The following GALNT10 variants were observed in gnomAD, a reference collection of about 807,000 sequenced individuals.
GALNT10 encodes the protein GalNAc transferase 10.
In GALNT10, 41 loss-of-function variants were observed where a neutral mutation model predicts 75.0. The ratio of observed to expected loss-of-function variants is 0.55; its 90% CI spans 0.43 to 0.71. The LOEUF (loss-of-function observed/expected upper bound fraction) is 0.71. Among genes scored for constraint, GALNT10 ranks in the 30% least tolerant of loss-of-function variants. GALNT10 has a pLI of 0.00. For synonymous variants in GALNT10, 302 were observed against 313.0 expected (o/e 0.96, Z 0.37); for missense variants, 727 against 818.5 (o/e 0.89, Z 1.36).
At chr5:154,258,291 A>G (rs1753646646) in intron 1 of GALNT10, among the ~76,000 whole-genome samples, 1 of 152,164 alleles carries the variant, frequency 6.6e-6, no homozygotes, top group African/African-American at 2.4e-5. Flanking sequence ...TTTCTTATTC[A>G]GTGTCTATTG....
intron 3 of GALNT10, among the ~76,000 whole-genome samples, chr5:154,322,464 A>G (rs1754690099): frequency 6.6e-6 from 1 of 152,038 alleles, no homozygotes; most frequent in African/African-American, 2.4e-5. Context: ...CACCTAGATA[A>G]TCCTGGCTCC....
chr5:154,270,937 T>G (rs1753851502), intron 1 of GALNT10, among the ~76,000 whole-genome samples: 1 of 136,518 alleles, frequency 7.3e-6, no homozygotes, highest in Admixed American at 8.6e-5. Context: ...GAGGTTGTCG[T>G]GAGCCGAGAG....
intron 1 of GALNT10, 28 bp from the exon 2 acceptor site, chr5:154,294,788 T>C: frequency 1.6e-6 from 2 of 1,223,542 alleles, no homozygotes; most frequent in Non-Finnish European, 2.4e-6. Flanking sequence ...CCCTTTTCTA[T>C]TTTTCATAGT....
In GALNT10 at chr5:154,298,359, C is replaced by T. The variant is rs1312289267; in HGVS notation, c.401+280C>T. 6.6e-6 allele frequency among the ~76,000 whole-genome samples: 1 copy of T among 152,188 alleles called. No individual in the cohort carries two copies. Among genetic ancestry groups the T allele is most frequent in the Non-Finnish European group, 1.5e-5 (1 of 68,032 alleles). On this transcript the variant is annotated intron_variant, in intron 3 of 11. Transcript: ENST00000297107. This position sits in a 1 kb window ranked among gnomAD's most constrained non-coding sequence, Gnocchi z 4.1. ...GAAGTTCAGACCCCAGTGTAGACGA[C>T]AAGTTGTCATGCAGTTTTTAACTTT...
intron 1 of GALNT10, among the ~76,000 whole-genome samples, chr5:154,244,935 G>GGA (rs762288154): frequency 1.3e-5 from 2 of 152,204 alleles, no homozygotes; most frequent in African/African-American, 2.4e-5. Flanking sequence ...GGAGTTGAGG[G>GGA]GAGACCTAGA....
At chr5:154,269,009 G>T (rs1294368069) in intron 1 of GALNT10, among the ~76,000 whole-genome samples, 1 of 101,506 alleles carries the variant, frequency 9.9e-6, no homozygotes. Context: ...AAAATATAAA[G>T]AATCTGAGAT....
At chr5:154,250,493 C>T (rs1430073634) in intron 1 of GALNT10, among the ~76,000 whole-genome samples, 3 of 152,102 alleles carry the variant, frequency 2.0e-5, no homozygotes, top group African/African-American at 7.2e-5. Flanking sequence ...AATTCATATT[C>T]CTGCCACTTC....
At chr5:154,339,437 C>A (rs1256817443) in intron 4 of GALNT10, among the ~76,000 whole-genome samples, 1 of 150,918 alleles carries the variant, frequency 6.6e-6, no homozygotes, top group Non-Finnish European at 1.5e-5. Flanking sequence ...AATCTGTAAA[C>A]CTTTTGGTGG....
chr5:154,282,381 G>A (rs746197927), intron 1 of GALNT10, among the ~76,000 whole-genome samples: 14 of 152,204 alleles, frequency 9.2e-5, no homozygotes, highest in East Asian at 1.9e-4. Flanking sequence ...TCCTCCACTC[G>A]CCTCTCATTG....
At chr5:154,386,904 G>A (rs1755816856) in intron 7 of GALNT10, 1 of 183,774 alleles carries the variant, frequency 5.4e-6, no homozygotes, top group Admixed American at 6.3e-5. Context: ...CAGTTGTAAA[G>A]TTACAAAGGC....
chr5:154,336,897 CAAT>C (rs1395879581), intron 4 of GALNT10, among the ~76,000 whole-genome samples: 1 of 152,146 alleles, frequency 6.6e-6, no homozygotes, highest in Non-Finnish European at 1.5e-5. Context: ...ATACTGGCCT[CAAT>C]GATATCAGAC....
intron 1 of GALNT10, among the ~76,000 whole-genome samples, chr5:154,220,911 C>G (rs1752967602): frequency 6.6e-6 from 1 of 152,174 alleles, no homozygotes; most frequent in Admixed American, 6.5e-5. Flanking sequence ...TCTGATTTTT[C>G]AAGAAAAGAC....
chr5:154,378,317 T>TATCATCATCATCATCATCATCATCATC lies in GALNT10; in HGVS notation c.754+1881_754+1882insCATCATCATCATCATCATCATCATCAT, dbSNP rs111591729. Among the ~76,000 whole-genome samples the TATCATCATCATCATCATCATCATCATC allele has an allele frequency of 2.0e-5, 3 of 150,882 alleles. No individual in the cohort carries two copies. The East Asian group carries it at 5.9e-4, about 30-fold the overall frequency. ...CACTGTTGATCATCATTTCCTTTTT[T>TATCATCATCATCATCATCATCATCATC]ATCATCATCATCATCATCATCATCA... On this transcript the variant is annotated intron_variant, in intron 5 of 11. Transcript: ENST00000297107.
chr5:154,336,411 A>G (rs989715186), intron 4 of GALNT10, among the ~76,000 whole-genome samples: 3 of 152,190 alleles, frequency 2.0e-5, no homozygotes, highest in Non-Finnish European at 4.4e-5. Context: ...AAACTGCCAA[A>G]TTGTCTTCCA....
At position 154,288,005 on chromosome 5, in the gene GALNT10, CAG is replaced by C. The variant is rs1467185728; in HGVS notation, c.160-6809_160-6808del. ...TTTATTAATCTACTTGGTAGATAAACAGATGTTTGAAATGATATAGTTATTTA... is the reference window on the plus strand; with the variant it reads ...TTTATTAATCTACTTGGTAGATAAACATGTTTGAAATGATATAGTTATTTA... On this transcript the variant is annotated intron_variant, in intron 1 of 11. Transcript: ENST00000297107. 6.6e-5 allele frequency among the ~76,000 whole-genome samples: 10 copies of C among 151,064 alleles called. No homozygotes were observed. In the South Asian group the frequency reaches 1.7e-3, roughly 25 times the overall value.
At chr5:154,330,457 A>G (rs1754838577) in intron 4 of GALNT10, among the ~76,000 whole-genome samples, 1 of 152,236 alleles carries the variant, frequency 6.6e-6, no homozygotes, top group Non-Finnish European at 1.5e-5. Context: ...ACTGAGACCC[A>G]GAGAAGTTAA....
chr5:154,410,140 C>T (rs1281622170), intron 9 of GALNT10, among the ~76,000 whole-genome samples: 9 of 152,150 alleles, frequency 5.9e-5, no homozygotes, highest in Non-Finnish European at 1.2e-4. Context: ...AAACATGGCA[C>T]ACAACAAACT....
intron 4 of GALNT10, among the ~76,000 whole-genome samples, chr5:154,351,082 A>T (rs1755198838): frequency 6.6e-6 from 1 of 152,270 alleles, no homozygotes; most frequent in Admixed American, 6.5e-5. Flanking sequence ...GTGAGTATGT[A>T]TGTATGTATG....
intron 6 of GALNT10, among the ~76,000 whole-genome samples, chr5:154,383,129 G>A (rs1355820420): frequency 6.6e-6 from 1 of 151,832 alleles, no homozygotes; most frequent in Non-Finnish European, 1.5e-5. Context: ...TTTCTGAAGG[G>A]CCCTCCATCC....
Sources: gnomAD v4.1 joint callset for allele counts (sites outside exome capture counted in the v4.1 genomes callset) on GRCh38, gnomAD v4.1.1 for gene constraint, Gnocchi (gnomAD v3.1) non-coding constraint, MANE v1.5 for transcripts, NCBI Gene and HGNC (gene_info 2026-07-23, HGNC 2026-07-21) for gene names.